The following PTPRM variants were observed in gnomAD, a reference collection of about 807,000 sequenced individuals.
PTPRM encodes receptor-type tyrosine-protein phosphatase mu.
PTPRM carries 47 observed loss-of-function variants against 186.7 expected under a neutral mutation model. That is an observed-to-expected ratio of 0.25 (90% CI 0.20 to 0.32). The LOEUF is 0.32. PTPRM is among the 10% of genes least tolerant of loss of function. The pLI, the probability that PTPRM is intolerant of heterozygous loss-of-function variation, is 1.00. For missense variants in PTPRM, 1,494 were observed against 1,865.0 expected (o/e 0.80, Z 3.66); for synonymous variants, 668 against 674.9 (o/e 0.99, Z 0.16).
intron 20 of PTPRM, among the ~76,000 whole-genome samples, chr18:8,308,302 G>C (rs2095242093): frequency 6.6e-6 from 1 of 152,170 alleles, no homozygotes. Flanking sequence ...TGCCTTATTT[G>C]AGCATGGTGT....
At chr18:7,589,681 TCAAAA>T (rs1461861283) in intron 1 of PTPRM, among the ~76,000 whole-genome samples, 1 of 152,178 alleles carries the variant, frequency 6.6e-6, no homozygotes, top group Admixed American at 6.5e-5. Context: ...GCTCCTGAAA[TCAAAA>T]CAAGTAATTC....
chr18:7,689,761 T>A (rs1259166863), intron 1 of PTPRM, among the ~76,000 whole-genome samples: 8 of 152,248 alleles, frequency 5.3e-5, no homozygotes. Context: ...TTTATTCTTA[T>A]TTACTGCACT....
At chr18:7,852,200 TAGATC>T (rs1168144369) in intron 2 of PTPRM, among the ~76,000 whole-genome samples, 2 of 152,154 alleles carry the variant, frequency 1.3e-5, no homozygotes, top group Non-Finnish European at 2.9e-5. Context: ...CAAAGATTGT[TAGATC>T]AGATAAAAAA....
chr18:7,662,884 TA>T (rs1373733101), intron 1 of PTPRM, among the ~76,000 whole-genome samples: 2 of 152,156 alleles, frequency 1.3e-5, no homozygotes, highest in African/African-American at 2.4e-5. Flanking sequence ...AATTAAGAAT[TA>T]AAAAAGATAT....
intron 5 of PTPRM, among the ~76,000 whole-genome samples, chr18:7,933,546 A>G (rs183806796): frequency 2.2e-3 from 341 of 152,282 alleles, no homozygotes; most frequent in African/African-American, 7.7e-3. Context: ...TCTCCCATGG[A>G]ACAGGGGGGA....
intron 2 of PTPRM, among the ~76,000 whole-genome samples, chr18:7,855,667 G>A (rs2047061615): frequency 6.6e-6 from 1 of 152,186 alleles, no homozygotes; most frequent in East Asian, 1.9e-4. Flanking sequence ...GTGTGGATGA[G>A]CTTCTTGGTA....
At chr18:7,761,091 G>A (rs538089662) in intron 1 of PTPRM, among the ~76,000 whole-genome samples, 107 of 152,296 alleles carry the variant, frequency 7.0e-4, no homozygotes, top group African/African-American at 2.4e-3. Flanking sequence ...ACCTTGAGAA[G>A]GGTTAATGTT....
intron 1 of PTPRM, among the ~76,000 whole-genome samples, chr18:7,760,402 C>A (rs2041712012): frequency 6.6e-6 from 1 of 152,122 alleles, no homozygotes; most frequent in Non-Finnish European, 1.5e-5. Flanking sequence ...GTGGCCTAGT[C>A]TTTCTGTTGC....
intron 3 of PTPRM, among the ~76,000 whole-genome samples, chr18:7,888,578 A>G (rs2048903298): frequency 6.6e-6 from 1 of 152,200 alleles, no homozygotes; most frequent in African/African-American, 2.4e-5. Flanking sequence ...GATACTTCTC[A>G]AAGAACTGAA....
chr18:8,286,624 A>C (rs1005357045), intron 19 of PTPRM, among the ~76,000 whole-genome samples: 1 of 152,228 alleles, frequency 6.6e-6, no homozygotes, highest in Non-Finnish European at 1.5e-5. Context: ...TCTTTAAATA[A>C]AAGGAGAGCC....
intron 19 of PTPRM, among the ~76,000 whole-genome samples, chr18:8,275,597 C>G (rs2147675273): frequency 6.6e-6 from 1 of 152,312 alleles, no homozygotes; most frequent in South Asian, 2.1e-4. Context: ...CTTGTGCTGC[C>G]TGACATAGGG....
intron 5 of PTPRM, 105 bp from the exon 6 acceptor site, chr18:7,949,076 G>C: frequency 8.9e-7 from 1 of 1,127,280 alleles, no homozygotes; most frequent in South Asian, 1.8e-5. Flanking sequence ...ACTGCACCAA[G>C]GTCTGCATGA....
chr18:7,572,362 C>G (rs2036585478), intron 1 of PTPRM, among the ~76,000 whole-genome samples: 1 of 151,986 alleles, frequency 6.6e-6, no homozygotes. Flanking sequence ...CATAGCCTAG[C>G]CTTTAGATTT....
At chr18:8,345,508 A>C (rs1372303443) in intron 23 of PTPRM, among the ~76,000 whole-genome samples, 2 of 152,190 alleles carry the variant, frequency 1.3e-5, no homozygotes, top group East Asian at 3.9e-4. Flanking sequence ...ACTCAAAAAG[A>C]AACAGAAATT....
In PTPRM at chr18:7,633,859, C is replaced by T. The variant is rs765385928; in HGVS notation, c.73+65968C>T. ...CCTTCACAGTATTTCCAACCACCAT[C>T]CCGGCCCTCCTGCAGGTCTTTGCTG... On this transcript the variant is annotated intron_variant, in intron 1 of 32. Coordinates refer to ENST00000580170, the MANE Select transcript of PTPRM (RefSeq NM_001105244.2). 1.8e-4 allele frequency among the ~76,000 whole-genome samples: 27 copies of T among 152,168 alleles called. 1 individual carries two copies. The highest frequency in any genetic ancestry group is 5.2e-4 in the Admixed American group (8 of 15,264).
intron 19 of PTPRM, among the ~76,000 whole-genome samples, chr18:8,272,652 T>G (rs551432708): frequency 6.6e-6 from 1 of 152,294 alleles, no homozygotes; most frequent in African/African-American, 2.4e-5. Flanking sequence ...CCAAGTTGAT[T>G]GCATTATATA....
chr18:7,773,675 T>G (rs1454794980), intron 1 of PTPRM, among the ~76,000 whole-genome samples: 1 of 151,280 alleles, frequency 6.6e-6, no homozygotes, highest in African/African-American at 2.4e-5. Flanking sequence ...AACCTCCGCC[T>G]CTTGGGTTCA....
intron 7 of PTPRM, among the ~76,000 whole-genome samples, chr18:8,067,250 A>G (rs1003312497): frequency 6.6e-6 from 1 of 152,220 alleles, no homozygotes; most frequent in African/African-American, 2.4e-5. Flanking sequence ...CTGTGTATGT[A>G]TAGAGATCTG....
chr18:8,317,623 C>T (rs1332395283), intron 21 of PTPRM, among the ~76,000 whole-genome samples: 1 of 151,872 alleles, frequency 6.6e-6, no homozygotes, highest in African/African-American at 2.4e-5. Context: ...GAGAACCAGC[C>T]AATGAAATTG....
Sources: gnomAD v4.1 joint callset for allele counts (sites outside exome capture counted in the v4.1 genomes callset) on GRCh38, gnomAD v4.1.1 for gene constraint, MANE v1.5 for transcripts, NCBI Gene and HGNC (gene_info 2026-07-23, HGNC 2026-07-21) for gene names.